Variants in LIAS observed in about 807,000 individuals in gnomAD.
The protein encoded by LIAS is lipoic acid synthetase.
In LIAS, 36 loss-of-function variants were observed where a neutral mutation model predicts 49.4. That is an observed-to-expected ratio of 0.73 (90% confidence interval 0.56 to 0.96). The LOEUF (loss-of-function observed/expected upper bound fraction) is 0.96. Ranked by LOEUF, LIAS falls within the 40% of genes least tolerant of loss-of-function variation. The pLI is 0.00. For missense variants in LIAS, 399 were observed against 456.3 expected (o/e 0.87, Z 1.14); for synonymous variants, 145 against 155.8 (o/e 0.93, Z 0.52).
In LIAS at chr4:39,471,278, A is replaced by G; in HGVS notation, c.926A>G (p.Tyr309Cys). 1 of 1,610,138 alleles carries G rather than the reference A, an allele frequency of 6.2e-7. No individual in the cohort carries two copies. The highest frequency in any genetic ancestry group is 1.1e-5 in the South Asian group (1 of 90,930). ...GTAGACTGCTTGACTTTAGGACAAT[A>G]TATGCAGCCAACAAGGCGTCACCTT... is the stretch of plus-strand genomic sequence containing the variant. ...ADVDCLTLGQ[Y>C]MQPTRRHLKV... Residue 309 changes from tyrosine (Y) to cysteine (C), a missense_variant, in exon 9 of 11, where the codon TAT becomes TGT. Tyr to Cys is a radical substitution (Grantham distance 194). Around this residue, in one of 3 missense-constraint regions of LIAS, gnomAD observed 234 missense variants for 292.2 expected, o/e 0.80. Transcript: ENST00000640888.
intron 9 of LIAS, among the ~76,000 whole-genome samples, chr4:39,472,820 C>A (rs908898517): frequency 6.6e-6 from 1 of 152,168 alleles, no homozygotes; most frequent in Non-Finnish European, 1.5e-5. Flanking sequence ...TAAATAATAT[C>A]TGTAGATAAT....
intron 10 of LIAS, chr4:39,475,211 G>T (rs1745150356): frequency 6.6e-6 from 1 of 151,122 alleles, no homozygotes; most frequent in Non-Finnish European, 1.5e-5. Context: ...GTCTCCAAAA[G>T]AAAAAATATA....
chr4:39,463,824 T>TTAACTATCACATA, intron 4 of LIAS: 1 of 964,986 alleles, frequency 1.0e-6, no homozygotes, highest in Non-Finnish European at 1.4e-6. Flanking sequence ...ATTTATGTGA[T>TTAACTATCACATA]AGTTAATCAC....
Position 39,459,102 on chromosome 4 carries a change from T to G in LIAS, c.-16T>G. On this transcript the variant is annotated 5_prime_UTR_variant, in exon 1 of 11. Coordinates refer to ENST00000640888, the MANE Select transcript of LIAS (RefSeq NM_006859.4). ...CGATCCCTCAACCCCTGCACTGCGC[T>G]AGTCCTAAAGAGGAAATGTCTCTAC... 6.2e-7 allele frequency: 1 copy of G among 1,614,110 alleles called. No homozygotes were observed.
At position 39,459,060 on chromosome 4, in the gene LIAS, C is replaced by A. The variant is rs767927654; in HGVS notation, c.-58C>A. The A allele has an allele frequency of 6.3e-7, 1 of 1,591,838 alleles. No individual in the cohort carries two copies. Among genetic ancestry groups the A allele is most frequent in the Non-Finnish European group, 8.6e-7 (1 of 1,159,758 alleles). On this transcript the variant is annotated 5_prime_UTR_variant, in exon 1 of 11. Coordinates refer to ENST00000640888, the MANE Select transcript of LIAS (RefSeq NM_006859.4). ...ATGGAGCGACGTAATTTCGACCTGTCCTTTCCCGGGAGTTAGCGATCCCTC... is the reference window on the plus strand; with the variant it reads ...ATGGAGCGACGTAATTTCGACCTGTACTTTCCCGGGAGTTAGCGATCCCTC...
intron 9 of LIAS, among the ~76,000 whole-genome samples, chr4:39,472,726 G>A (rs955250805): frequency 3.3e-5 from 5 of 152,222 alleles, no homozygotes; most frequent in African/African-American, 1.2e-4. Context: ...GAAGATACAA[G>A]TTGAGTAAGA....
At position 39,478,098 on chromosome 4, in the gene LIAS, T is replaced by C. The variant is rs1183642434; in HGVS notation, c.*983T>C. 1 of 152,268 alleles carries C rather than the reference T, an allele frequency of 6.6e-6. No homozygotes were observed. Among genetic ancestry groups the C allele is most frequent in the African/African-American group, 2.4e-5 (1 of 41,470 alleles). 9.4% of individuals were successfully genotyped at this position (152,268 alleles called of 1,614,324 possible). On this transcript the variant is annotated 3_prime_UTR_variant, in exon 11 of 11. Coordinates refer to ENST00000640888, the MANE Select transcript of LIAS (RefSeq NM_006859.4). ...CTGTGATGAAACAGTCAACATAGAT[T>C]GAAACTCATCAGTTTAGCATTTCAT...
intron 4 of LIAS, 139 bp downstream of exon 4, chr4:39,463,744 A>G: frequency 7.4e-7 from 1 of 1,349,566 alleles, no homozygotes; most frequent in East Asian, 2.8e-5. Flanking sequence ...TATTAAGAAA[A>G]AACCTGATGG....
In LIAS at chr4:39,478,581, TA is replaced by T. The variant is rs975072703; in HGVS notation, c.*1467del. 1 of 152,266 alleles carries T rather than the reference TA, an allele frequency of 6.6e-6. No homozygotes were observed. Among genetic ancestry groups the T allele is most frequent in the African/African-American group, 2.4e-5 (1 of 41,478 alleles). The allele number at this position is 152,266 out of a possible 1,614,324, so 9.4% of individuals were successfully genotyped here. A position where few individuals can be genotyped will look rare whatever the true frequency, so the allele number is the denominator to read the frequency against. On this transcript the variant is annotated 3_prime_UTR_variant, in exon 11 of 11. Coordinates refer to ENST00000640888, the MANE Select transcript of LIAS (RefSeq NM_006859.4). ...AAAATAGTTTTATGCTGATTACATT[TA>T]GTCCCTCTGAAAACACCAAGGCCAT...
chr4:39,463,971 A>G (rs1744654569), intron 4 of LIAS: 1 of 170,736 alleles, frequency 5.9e-6, no homozygotes, highest in African/African-American at 2.4e-5. Context: ...AGAGACCTGT[A>G]CATTGATCTG....
chr4:39,467,614 A>T lies in LIAS; in HGVS notation c.705A>T (p.Ala235=). Residue 235 remains alanine (A), a synonymous_variant, in exon 7 of 11, where the codon GCA becomes GCT. Coordinates refer to ENST00000640888, the MANE Select transcript of LIAS (RefSeq NM_006859.4). ...KVALSGLDVY[A]HNVETVPELQ... ...CTCTGTCAGGATTAGATGTGTATGC[A>T]CATAATGTAGAAACAGTCCCGGAAT... is the stretch of plus-strand genomic sequence containing the variant. 1 of 1,597,074 alleles carries T rather than the reference A, an allele frequency of 6.3e-7. No individual in the cohort carries two copies. Among genetic ancestry groups the T allele is most frequent in the Non-Finnish European group, 8.5e-7 (1 of 1,171,232 alleles).
At chr4:39,465,001 G>T (rs745495007) in intron 4 of LIAS, 45 bp from the exon 5 acceptor site, 2 of 1,505,888 alleles carry the variant, frequency 1.3e-6, no homozygotes, top group Non-Finnish European at 1.8e-6. Flanking sequence ...ATGTCCTTAA[G>T]GGTCATCTGT....
intron 1 of LIAS, among the ~76,000 whole-genome samples, chr4:39,460,531 C>G (rs1008815573): frequency 7.5e-5 from 6 of 79,910 alleles, no homozygotes; most frequent in African/African-American, 2.9e-4. Flanking sequence ...AAGACTCCGT[C>G]TCAAAAAAAA....
chr4:39,474,137 C>A (rs1240777046), intron 10 of LIAS: 1 of 152,102 alleles, frequency 6.6e-6, no homozygotes, highest in Non-Finnish European at 1.5e-5. Context: ...GTGGCGGGCA[C>A]CTGCAGTCCC....
intron 7 of LIAS, 179 bp downstream of exon 7, chr4:39,467,825 C>A: frequency 4.6e-6 from 2 of 436,606 alleles, no homozygotes; most frequent in Non-Finnish European, 7.8e-6. Flanking sequence ...ATATCACCAA[C>A]AAAATCAGCA....
At chr4:39,470,201 A>G (rs1394892238) in intron 8 of LIAS, 37 bp downstream of exon 8, 1 of 1,569,528 alleles carries the variant, frequency 6.4e-7, no homozygotes, top group Middle Eastern at 1.7e-4. Flanking sequence ...TTTCCCATGT[A>G]ATTTGAGTAA....
chr4:39,460,356 A>G (rs557885438), intron 1 of LIAS, among the ~76,000 whole-genome samples: 2 of 151,956 alleles, frequency 1.3e-5, no homozygotes, highest in East Asian at 3.9e-4. Flanking sequence ...ACATGGTGAA[A>G]CCCTGTCTCT....
chr4:39,462,930 T>G (rs1744592457), intron 3 of LIAS, among the ~76,000 whole-genome samples: 1 of 152,162 alleles, frequency 6.6e-6, no homozygotes, highest in Admixed American at 6.5e-5. Flanking sequence ...GAGATTGCAG[T>G]GAGCTGAGAT....
At chr4:39,461,967 ACAGG>A (rs966157262) in intron 2 of LIAS, among the ~76,000 whole-genome samples, 21 of 152,238 alleles carry the variant, frequency 1.4e-4, no homozygotes, top group African/African-American at 4.8e-4. Flanking sequence ...TGCTGGGATT[ACAGG>A]CATGAGCCAC....
Sources: allele counts gnomAD v4.1 joint callset (sites outside exome capture counted in the v4.1 genomes callset), GRCh38; gene constraint gnomAD v4.1.1; regional missense constraint gnomAD v4.1.1; transcripts MANE v1.5; gene names NCBI Gene and HGNC (gene_info 2026-07-23, HGNC 2026-07-21).